The following KCNN2 variants were observed in gnomAD, a reference collection of about 807,000 sequenced individuals.
The protein encoded by KCNN2 is potassium calcium-activated channel subfamily N member 2.
In KCNN2, 24 loss-of-function variants were observed where a neutral mutation model predicts 55.5. That is an observed-to-expected ratio of 0.43 (90% CI 0.31 to 0.61). KCNN2 has a LOEUF of 0.61. Ranked by LOEUF, KCNN2 falls within the 20% of genes least tolerant of loss-of-function variation. The pLI is 0.08. For synonymous variants in KCNN2, 431 were observed against 336.1 expected (o/e 1.28, Z -3.09); for missense variants, 754 against 853.6 (o/e 0.88, Z 1.45).
chr5:114,146,629 GC>G (rs1490436002), intron 1 of KCNN2, among the ~76,000 whole-genome samples: 2 of 152,130 alleles, frequency 1.3e-5, no homozygotes, highest in Non-Finnish European at 2.9e-5. Flanking sequence ...TTGCCAAAGA[GC>G]ATTAGGAGAA....
chr5:114,082,454 A>T (rs778065880), intron 1 of KCNN2, among the ~76,000 whole-genome samples: 1 of 152,238 alleles, frequency 6.6e-6, no homozygotes, highest in Non-Finnish European at 1.5e-5. Flanking sequence ...GTTGACATAG[A>T]TGTTGAGAAA....
chr5:114,090,901 A>G lies in KCNN2; in HGVS notation c.-271+34401A>G, dbSNP rs548781936. Among the ~76,000 whole-genome samples the G allele has an allele frequency of 2.0e-5, 3 of 152,214 alleles. No individual in the cohort carries two copies. In the South Asian group the frequency reaches 6.2e-4, roughly 32 times the overall value. On this transcript the variant is annotated intron_variant, in intron 1 of 10. Transcript: ENST00000512097. The stretch of plus-strand genomic sequence containing the variant: ...TCTCACTCTGTTGCCCAGACTGGAC[A>G]GCCTCAACTCACTGCAGCCTTGACT...
chr5:114,127,417 C>T (rs1751961257), intron 1 of KCNN2, among the ~76,000 whole-genome samples: 1 of 152,190 alleles, frequency 6.6e-6, no homozygotes, highest in Non-Finnish European at 1.5e-5. Flanking sequence ...CACGTGGAAG[C>T]TTGCACCCTC....
At chr5:114,217,861 G>T (rs1397218804) in intron 1 of KCNN2, among the ~76,000 whole-genome samples, 1 of 152,080 alleles carries the variant, frequency 6.6e-6, no homozygotes, top group Non-Finnish European at 1.5e-5. Flanking sequence ...TCTGATAAAG[G>T]CCTGTTATCC....
At chr5:114,477,894 A>G (rs1762042743) in intron 5 of KCNN2, among the ~76,000 whole-genome samples, 1 of 152,210 alleles carries the variant, frequency 6.6e-6, no homozygotes, top group African/African-American at 2.4e-5. Flanking sequence ...CCATAATAAG[A>G]ACACTATTAT....
intron 1 of KCNN2, among the ~76,000 whole-genome samples, chr5:114,092,534 T>C (rs1751166310): frequency 6.6e-6 from 1 of 152,194 alleles, no homozygotes; most frequent in African/African-American, 2.4e-5. Context: ...GCAGTGCCCC[T>C]GTGGGGACTT....
At chr5:114,141,185 G>T (rs929918057) in intron 1 of KCNN2, among the ~76,000 whole-genome samples, 2 of 151,914 alleles carry the variant, frequency 1.3e-5, no homozygotes, top group Non-Finnish European at 2.9e-5. Flanking sequence ...CAATGTGCAG[G>T]TTTGTTACAT....
intron 1 of KCNN2, among the ~76,000 whole-genome samples, chr5:114,210,291 T>C (rs903752603): frequency 1.3e-5 from 2 of 152,178 alleles, no homozygotes; most frequent in Non-Finnish European, 2.9e-5. Flanking sequence ...ATCAATAATG[T>C]ATATTACATA....
intron 2 of KCNN2, among the ~76,000 whole-genome samples, chr5:114,298,547 A>G (rs1035995363): frequency 3.3e-5 from 5 of 152,318 alleles, no homozygotes; most frequent in East Asian, 3.9e-4. Flanking sequence ...TATCCCTACA[A>G]TTGCTTGTTA....
chr5:114,128,217 G>A (rs1751979681), intron 1 of KCNN2, among the ~76,000 whole-genome samples: 1 of 152,162 alleles, frequency 6.6e-6, no homozygotes, highest in African/African-American at 2.4e-5. Context: ...TCAGGACTGG[G>A]TAATTTATAA....
upstream of KCNN2, among the ~76,000 whole-genome samples, chr5:114,357,277 G>T (rs1453053766): frequency 6.6e-6 from 1 of 151,534 alleles, no homozygotes. Context: ...TAAGGGATTG[G>T]AGTGCAAACA....
intron 2 of KCNN2, among the ~76,000 whole-genome samples, chr5:114,376,305 T>A (rs1420215970): frequency 1.3e-5 from 2 of 152,180 alleles, no homozygotes; most frequent in African/African-American, 2.4e-5. Flanking sequence ...CAGAACATCC[T>A]TCCTGCACAG....
intron 2 of KCNN2, among the ~76,000 whole-genome samples, chr5:114,378,210 A>G (rs1317214553): frequency 1.3e-5 from 2 of 152,310 alleles, no homozygotes; most frequent in East Asian, 3.9e-4. Flanking sequence ...AGCCACGCCC[A>G]CTTGTTCAGG....
chr5:114,186,049 G>C (rs914754101), intron 1 of KCNN2, among the ~76,000 whole-genome samples: 2 of 152,044 alleles, frequency 1.3e-5, no homozygotes, highest in African/African-American at 2.4e-5. Flanking sequence ...CATCTTTCAT[G>C]TTTCATGTTA....
intron 1 of KCNN2, among the ~76,000 whole-genome samples, chr5:114,108,191 C>G (rs565150110): frequency 1.3e-5 from 2 of 151,690 alleles, no homozygotes; most frequent in Non-Finnish European, 2.9e-5. Flanking sequence ...GAAAAAAGTT[C>G]GAAGGGAAGG....
intron 2 of KCNN2, among the ~76,000 whole-genome samples, chr5:114,255,292 C>A (rs1275043150): frequency 6.6e-6 from 1 of 152,102 alleles, no homozygotes; most frequent in Non-Finnish European, 1.5e-5. Flanking sequence ...ATACAAGATA[C>A]AGTGGCAACA....
chr5:114,287,618 G>A (rs565634607), intron 2 of KCNN2, among the ~76,000 whole-genome samples: 1 of 152,084 alleles, frequency 6.6e-6, no homozygotes, highest in African/African-American at 2.4e-5. Context: ...GGCAAGGGGA[G>A]GGATAGCATT....
At chr5:114,222,580 C>T (rs1053805710) in intron 2 of KCNN2, among the ~76,000 whole-genome samples, 6 of 152,070 alleles carry the variant, frequency 3.9e-5, no homozygotes, top group South Asian at 2.1e-4. Context: ...TGAAAATTTG[C>T]GAACTGTACT....
chr5:114,437,307 C>T (rs1239367289), intron 3 of KCNN2, among the ~76,000 whole-genome samples: 2 of 151,980 alleles, frequency 1.3e-5, no homozygotes, highest in Non-Finnish European at 2.9e-5. Context: ...TGGAGAAAAA[C>T]AGGAAGAGAA....
Sources: gnomAD v4.1 joint callset for allele counts (sites outside exome capture counted in the v4.1 genomes callset) on GRCh38, gnomAD v4.1.1 for gene constraint, MANE v1.5 for transcripts, NCBI Gene and HGNC (gene_info 2026-07-23, HGNC 2026-07-21) for gene names.